The following KLHL5 variants were observed in gnomAD, a reference collection of about 807,000 sequenced individuals.
KLHL5 encodes the protein kelch-like protein 5.
A neutral mutation model predicts 77.7 loss-of-function variants in KLHL5; 48 were observed. That is an observed-to-expected ratio of 0.62 (90% CI 0.49 to 0.79). The LOEUF (loss-of-function observed/expected upper bound fraction) is 0.79, where lower values mean the gene tolerates loss of function less well. KLHL5 is among the 30% of genes least tolerant of loss of function. The pLI is 0.00. For missense variants in KLHL5, 723 were observed against 859.7 expected (o/e 0.84, Z 1.99); for synonymous variants, 260 against 297.0 (o/e 0.88, Z 1.28).
At position 39,125,914 on chromosome 4, in the gene KLHL5, T is replaced by C. The variant is rs1723513571; in HGVS notation, c.*4848T>C. 6.6e-6 allele frequency among the ~76,000 whole-genome samples: 1 copy of C among 152,230 alleles called. No homozygotes were observed. The highest frequency in any genetic ancestry group is 2.1e-4 in the South Asian group (1 of 4,834). On this transcript the variant is annotated 3_prime_UTR_variant, in exon 11 of 11. Transcript: ENST00000504108. The stretch of plus-strand genomic sequence containing the variant: ...AACAATAGCATTCTGTACGCTTCAC[T>C]AGGATAAAAACTTCGGATTTATATG...
At chr4:39,126,607 C>A, downstream of KLHL5, 1 of 390,290 alleles carries the variant, frequency 2.6e-6, no homozygotes, top group South Asian at 1.9e-5. Flanking sequence ...GGAAGCAAAT[C>A]TAGTGCCCTG....
At chr4:39,095,320 T>C (rs1435818528) in intron 5 of KLHL5, among the ~76,000 whole-genome samples, 1 of 152,184 alleles carries the variant, frequency 6.6e-6, no homozygotes, top group Non-Finnish European at 1.5e-5. Context: ...TGTGCTCTTA[T>C]ACATGGCTGT....
intron 1 of KLHL5, among the ~76,000 whole-genome samples, chr4:39,074,231 C>T (rs1322364326): frequency 6.6e-6 from 1 of 152,122 alleles, no homozygotes; most frequent in Non-Finnish European, 1.5e-5. Context: ...GACAATTATC[C>T]TCCAAGGGCA....
chr4:39,070,183 C>T (rs181902560), intron 1 of KLHL5, among the ~76,000 whole-genome samples: 82 of 152,194 alleles, frequency 5.4e-4, no homozygotes, highest in Non-Finnish European at 9.6e-4. Flanking sequence ...CTACAATACT[C>T]TTATTGGCCA....
At chr4:39,059,704 C>T (rs568436397), upstream of KLHL5, among the ~76,000 whole-genome samples, 18 of 152,236 alleles carry the variant, frequency 1.2e-4, no homozygotes, top group Middle Eastern at 3.4e-3. Flanking sequence ...GCCGGGATCA[C>T]GCCACTGCAC....
At chr4:39,075,899 T>G in intron 1 of KLHL5, 66 bp from the exon 2 acceptor site, 4 of 1,349,966 alleles carry the variant, frequency 3.0e-6, no homozygotes, top group Non-Finnish European at 4.1e-6. Flanking sequence ...TTCAAAAGAC[T>G]TAATAGGAAA....
chr4:39,057,285 G>A (rs558200999), upstream of KLHL5, among the ~76,000 whole-genome samples: 73 of 152,076 alleles, frequency 4.8e-4, no homozygotes, highest in Non-Finnish European at 9.0e-4. Flanking sequence ...ATTGATTTTT[G>A]TGGTCTATTT....
chr4:39,130,891 G>T (rs1238068233), downstream of KLHL5, among the ~76,000 whole-genome samples: 1 of 151,600 alleles, frequency 6.6e-6, no homozygotes, highest in African/African-American at 2.4e-5. Context: ...CTCCCAGGCT[G>T]CAGCTTAATG....
upstream of KLHL5, among the ~76,000 whole-genome samples, chr4:39,061,114 A>G (rs1489307152): frequency 1.3e-5 from 2 of 152,040 alleles, no homozygotes; most frequent in African/African-American, 4.8e-5. Context: ...ATACCACTCC[A>G]TTGCCATCCT....
At chr4:39,046,295 TG>T (rs779388332) in intron 1 of KLHL5, among the ~76,000 whole-genome samples, 2 of 151,938 alleles carry the variant, frequency 1.3e-5, no homozygotes, top group Non-Finnish European at 2.9e-5. Flanking sequence ...ACAAACTAAA[TG>T]GGAAAATTGA....
Position 39,062,621 on chromosome 4 carries a change from G to C in KLHL5, c.-32G>C. On this transcript the variant is annotated 5_prime_UTR_variant, in exon 1 of 11. Coordinates refer to ENST00000504108, the MANE Select transcript of KLHL5 (RefSeq NM_015990.5). The stretch of plus-strand genomic sequence containing the variant: ...AATCTGTGTGCAGTGCTTTTTGCCC[G>C]TTGCCTAGACGATCACTTGGTTTCT... 1 of 1,614,056 alleles carries C rather than the reference G, an allele frequency of 6.2e-7. No individual in the cohort carries two copies.
At chr4:39,135,648 A>C in the KLHL5 span, 2 of 152,312 alleles carry the variant, frequency 1.3e-5, no homozygotes, top group Non-Finnish European at 2.9e-5. Flanking sequence ...TCATGCCTGT[A>C]ATCCTAGCAC....
chr4:39,070,507 T>A (rs1718375647), intron 1 of KLHL5, among the ~76,000 whole-genome samples: 1 of 152,190 alleles, frequency 6.6e-6, no homozygotes, highest in Non-Finnish European at 1.5e-5. Flanking sequence ...TCTGTACCTA[T>A]TGATGATTCT....
intron 5 of KLHL5, among the ~76,000 whole-genome samples, chr4:39,087,758 G>A (rs1163360623): frequency 6.6e-6 from 1 of 152,080 alleles, no homozygotes. Context: ...GGTCTTGAAA[G>A]CAGAAAAAGA....
chr4:39,131,492 T>C (rs1320636260), downstream of KLHL5, among the ~76,000 whole-genome samples: 1 of 152,196 alleles, frequency 6.6e-6, no homozygotes, highest in African/African-American at 2.4e-5. Flanking sequence ...TTCAGAAGAA[T>C]CATCCTGCTT....
upstream of KLHL5, among the ~76,000 whole-genome samples, chr4:39,057,867 G>C (rs554933407): frequency 1.3e-5 from 2 of 152,222 alleles, no homozygotes; most frequent in South Asian, 4.1e-4. Context: ...ATATAAACTA[G>C]TTACCAAATA....
chr4:39,124,486 T>C lies in KLHL5; in HGVS notation c.*3420T>C, dbSNP rs1034655733. 6.6e-6 allele frequency among the ~76,000 whole-genome samples: 1 copy of C among 152,104 alleles called. No homozygotes were observed. Among genetic ancestry groups the C allele is most frequent in the Non-Finnish European group, 1.5e-5 (1 of 67,992 alleles). ...AAATATATAAAGCAATAGAGTAGAA[T>C]GGAAAGTCCAGAAACAAATTACGCC... On this transcript the variant is annotated 3_prime_UTR_variant, in exon 11 of 11. Coordinates refer to ENST00000504108, the MANE Select transcript of KLHL5 (RefSeq NM_015990.5).
intron 7 of KLHL5, among the ~76,000 whole-genome samples, chr4:39,104,429 T>C (rs548180134): frequency 6.6e-6 from 1 of 152,172 alleles, no homozygotes; most frequent in Non-Finnish European, 1.5e-5. Flanking sequence ...CCAGGGTAAA[T>C]AGAGTGAGTC....
At chr4:39,098,405 G>C (rs1383569592) in intron 6 of KLHL5, among the ~76,000 whole-genome samples, 1 of 151,436 alleles carries the variant, frequency 6.6e-6, no homozygotes, top group African/African-American at 2.4e-5. Context: ...TGGGACTACA[G>C]GCACATGCCA....
Sources: allele counts gnomAD v4.1 joint callset (sites outside exome capture counted in the v4.1 genomes callset), GRCh38; gene constraint gnomAD v4.1.1; transcripts MANE v1.5; gene names NCBI Gene and HGNC (gene_info 2026-07-23, HGNC 2026-07-21).